CHLSN: variants seen among roughly 807,000 people sequenced by gnomAD.
CHLSN encodes the protein protein cholesin.
At chr7:998,500 G>C in the CHLSN span, among the ~76,000 whole-genome samples, 2 of 107,328 alleles carry the variant, frequency 1.9e-5, no homozygotes, top group Admixed American at 3.0e-4. Context: ...TTGCTCTGTT[G>C]TCCAGGCTGC....
At chr7:1,126,066 G>A in the CHLSN span, among the ~76,000 whole-genome samples, 2 of 152,108 alleles carry the variant, frequency 1.3e-5, no homozygotes, top group African/African-American at 4.8e-5. Context: ...ATACTTTCAA[G>A]AATAAAAATG....
chr7:993,633 C>A, the CHLSN span, among the ~76,000 whole-genome samples: 1 of 152,106 alleles, frequency 6.6e-6, no homozygotes, highest in Non-Finnish European at 1.5e-5. Flanking sequence ...AACAATTAGC[C>A]GGGTGTAGTG....
chr7:1,093,188 TTC>T, the CHLSN span: 11,448 of 536,752 alleles, frequency 0.021, 496 homozygotes, highest in East Asian at 0.19. Context: ...CAGGAAACAT[TTC>T]TGACACCGTC....
chr7:1,134,573 T>C, the CHLSN span, among the ~76,000 whole-genome samples: 1 of 136,478 alleles, frequency 7.3e-6, no homozygotes, highest in East Asian at 2.2e-4. Flanking sequence ...TGTCTCTAAA[T>C]AAATAAATAA....
the CHLSN span, among the ~76,000 whole-genome samples, chr7:1,132,265 A>C: frequency 6.6e-6 from 1 of 152,246 alleles, no homozygotes; most frequent in African/African-American, 2.4e-5. Context: ...GAAAGTAAAG[A>C]GGCTGAGTGC....
chr7:1,126,347 G>A, the CHLSN span, among the ~76,000 whole-genome samples: 2,073 of 105,426 alleles, frequency 0.02, 65 homozygotes, highest in East Asian at 0.18. Flanking sequence ...GTGACAGAGC[G>A]AGACTCTGTC....
At chr7:1,060,009 G>A in the CHLSN span, among the ~76,000 whole-genome samples, 1 of 88,178 alleles carries the variant, frequency 1.1e-5, no homozygotes, top group African/African-American at 5.0e-5. Context: ...TCTGTAGTGG[G>A]GCGGGTCCGT....
chr7:1,065,457 G>A, the CHLSN span, among the ~76,000 whole-genome samples: 198 of 152,346 alleles, frequency 1.3e-3, no homozygotes, highest in African/African-American at 4.5e-3. Context: ...TGTGGCCTGC[G>A]CATCGAAGGA....
chr7:1,135,772 AATATATAT>A, the CHLSN span, among the ~76,000 whole-genome samples: 20 of 97,374 alleles, frequency 2.1e-4, no homozygotes, highest in African/African-American at 9.4e-4. Flanking sequence ...CTCAAAAAGA[AATATATAT>A]ATATATATAT....
At chr7:1,027,055 A>G in the CHLSN span, 1 of 152,234 alleles carries the variant, frequency 6.6e-6, no homozygotes, top group African/African-American at 2.4e-5. Context: ...AACGAGAAAA[A>G]AACCAGAACA....
chr7:1,077,928 C>G, the CHLSN span: 1 of 152,296 alleles, frequency 6.6e-6, no homozygotes, highest in Non-Finnish European at 1.5e-5. Flanking sequence ...CCTCTGCCGC[C>G]AACTGCTCCG....
chr7:1,035,834 C>T, the CHLSN span, among the ~76,000 whole-genome samples: 21 of 152,316 alleles, frequency 1.4e-4, no homozygotes, highest in South Asian at 2.5e-3. Context: ...GAAACCTGCA[C>T]ACAGATATTT....
At chr7:1,123,409 C>CG in the CHLSN span, among the ~76,000 whole-genome samples, 1 of 152,068 alleles carries the variant, frequency 6.6e-6, no homozygotes, top group Non-Finnish European at 1.5e-5. This position sits in a 1 kb window ranked among gnomAD's most constrained non-coding sequence, Gnocchi z 4.4. Context: ...CAATGGCCCA[C>CG]GGGGGGACAC....
At chr7:1,096,750 A>G in the CHLSN span, among the ~76,000 whole-genome samples, 1 of 152,166 alleles carries the variant, frequency 6.6e-6, no homozygotes, top group African/African-American at 2.4e-5. This position sits in a 1 kb window ranked among gnomAD's most constrained non-coding sequence, Gnocchi z 4.6. Flanking sequence ...CTTAACAATT[A>G]ACTCTTGACC....
At chr7:1,136,541 AAC>A in the CHLSN span, among the ~76,000 whole-genome samples, 1 of 118,978 alleles carries the variant, frequency 8.4e-6, no homozygotes, top group Non-Finnish European at 1.6e-5. Context: ...CATATATATG[AAC>A]ATATATAAAC....
chr7:1,070,877 T>G, the CHLSN span, among the ~76,000 whole-genome samples: 17 of 131,726 alleles, frequency 1.3e-4, no homozygotes, highest in Non-Finnish European at 2.7e-4. Flanking sequence ...TGCGCACACG[T>G]GCACATGCAC....
At chr7:1,107,327 T>C in the CHLSN span, among the ~76,000 whole-genome samples, 3 of 151,970 alleles carry the variant, frequency 2.0e-5, no homozygotes, top group Admixed American at 6.6e-5. Context: ...GGTCAACAAA[T>C]ACGGTCCCAT....
chr7:991,457 C>T, the CHLSN span, among the ~76,000 whole-genome samples: 3 of 110,954 alleles, frequency 2.7e-5, no homozygotes, highest in East Asian at 2.8e-4. Context: ...TGCCCATGGG[C>T]GTGGGCAGGG....
the CHLSN span, chr7:1,091,817 A>AG: frequency 1.3e-6 from 2 of 1,597,300 alleles, no homozygotes; most frequent in Non-Finnish European, 1.7e-6. Flanking sequence ...ACCTCCCCCG[A>AG]GCTCAACCTG....
Sources: gnomAD v4.1 joint callset for allele counts (sites outside exome capture counted in the v4.1 genomes callset) on GRCh38, gnomAD v4.1.1 for gene constraint, Gnocchi (gnomAD v3.1) non-coding constraint, MANE v1.5 for transcripts, NCBI Gene and HGNC (gene_info 2026-07-23, HGNC 2026-07-21) for gene names.